The following TAB2 variants were observed in gnomAD, a reference collection of about 807,000 sequenced individuals.
The protein encoded by TAB2 is TGF-beta-activated kinase 1 and MAP3K7-binding protein 2.
TAB2 carries 3 observed loss-of-function variants against 65.0 expected under a neutral mutation model. The observed-to-expected ratio is 0.05, with a 90% CI of 0.02 to 0.12. TAB2 has a LOEUF of 0.12. TAB2 is among the 10% of genes least tolerant of loss of function. The pLI is 1.00. For missense variants in TAB2, 623 were observed against 840.3 expected (o/e 0.74, Z 3.20); for synonymous variants, 298 against 285.1 (o/e 1.05, Z -0.46).
chr6:149,390,364 T>C (rs950325918), intron 3 of TAB2, among the ~76,000 whole-genome samples: 1 of 152,198 alleles, frequency 6.6e-6, no homozygotes, highest in African/African-American at 2.4e-5. Flanking sequence ...TCCTTTTTCA[T>C]TTAAAGAAGC....
At chr6:149,251,619 A>G (rs751571886) in intron 1 of TAB2, among the ~76,000 whole-genome samples, 9 of 152,154 alleles carry the variant, frequency 5.9e-5, no homozygotes, top group Non-Finnish European at 1.3e-4. Flanking sequence ...CTTTCTGCCA[A>G]CAGCTTCAGT....
intron 1 of TAB2, among the ~76,000 whole-genome samples, chr6:149,236,428 A>T (rs1777496214): frequency 6.6e-6 from 1 of 152,110 alleles, no homozygotes; most frequent in East Asian, 1.9e-4. Flanking sequence ...TTCTGCCTCG[A>T]TTTCTTTCCT....
chr6:149,379,707 A>G (rs1049525270), intron 3 of TAB2, among the ~76,000 whole-genome samples, 189 bp downstream of exon 3: 2 of 152,138 alleles, frequency 1.3e-5, no homozygotes, highest in Non-Finnish European at 2.9e-5. Flanking sequence ...TTATTATTAT[A>G]AAACTGGAAG....
intron 3 of TAB2, among the ~76,000 whole-genome samples, chr6:149,395,868 A>G (rs1430570588): frequency 6.6e-6 from 1 of 152,120 alleles, no homozygotes; most frequent in Non-Finnish European, 1.5e-5. Context: ...TGTATAATTT[A>G]ATTAGGTGAA....
chr6:149,374,702 G>C (rs1781343371), intron 2 of TAB2, among the ~76,000 whole-genome samples: 1 of 152,164 alleles, frequency 6.6e-6, no homozygotes, highest in Non-Finnish European at 1.5e-5. Context: ...GTGTCTCCTT[G>C]TATGATTTGA....
chr6:149,256,835 A>C (rs1778047112), intron 1 of TAB2, among the ~76,000 whole-genome samples: 1 of 152,204 alleles, frequency 6.6e-6, no homozygotes. Context: ...CCTACATGCT[A>C]CTGAAGGATT....
At chr6:149,385,129 T>C (rs977562876) in intron 3 of TAB2, among the ~76,000 whole-genome samples, 5 of 152,230 alleles carry the variant, frequency 3.3e-5, no homozygotes, top group Admixed American at 3.3e-4. Flanking sequence ...TCTTGGACTT[T>C]GTGTTTCTCA....
chr6:149,262,298 C>T (rs1455444001), intron 1 of TAB2, among the ~76,000 whole-genome samples: 1 of 152,134 alleles, frequency 6.6e-6, no homozygotes, highest in African/African-American at 2.4e-5. Context: ...TTTGGGAGGC[C>T]CTGGCGGGAG....
At chr6:149,361,088 C>A (rs1362111439) in intron 1 of TAB2, among the ~76,000 whole-genome samples, 1 of 152,164 alleles carries the variant, frequency 6.6e-6, no homozygotes, top group Non-Finnish European at 1.5e-5. Context: ...TGCTGGTGGA[C>A]CTAACATTCT....
chr6:149,296,435 C>T (rs772716029), intron 1 of TAB2, among the ~76,000 whole-genome samples: 3 of 152,144 alleles, frequency 2.0e-5, no homozygotes, highest in Non-Finnish European at 4.4e-5. Context: ...TTCTTTCTTG[C>T]TTTTCTCTGT....
intron 3 of TAB2, 41 bp downstream of exon 3, chr6:149,379,559 G>A: frequency 6.3e-7 from 1 of 1,594,382 alleles, no homozygotes; most frequent in Non-Finnish European, 8.6e-7. Flanking sequence ...TCCATGCTGG[G>A]CTTGTTGGTG....
chr6:149,331,058 T>G (rs1219066564), intron 1 of TAB2, among the ~76,000 whole-genome samples: 1 of 152,126 alleles, frequency 6.6e-6, no homozygotes, highest in Non-Finnish European at 1.5e-5. Flanking sequence ...ATAGTGAAAT[T>G]CCTCCAACTT....
chr6:149,380,094 T>C (rs1298430631), intron 3 of TAB2: 2 of 355,582 alleles, frequency 5.6e-6, no homozygotes, highest in East Asian at 1.7e-4. Context: ...TTTGAAATTA[T>C]GCAGGCATGG....
intron 3 of TAB2, among the ~76,000 whole-genome samples, chr6:149,394,480 G>C (rs1247749539): frequency 1.3e-5 from 2 of 151,970 alleles, no homozygotes; most frequent in African/African-American, 4.8e-5. Context: ...TCTCCTGCTT[G>C]TATGTCTCAT....
At chr6:149,240,181 C>T (rs1451809597) in intron 1 of TAB2, among the ~76,000 whole-genome samples, 1 of 152,226 alleles carries the variant, frequency 6.6e-6, no homozygotes, top group African/African-American at 2.4e-5. Context: ...GGACTGGGCC[C>T]TCGGCTCAGG....
chr6:149,403,375 T>C (rs1212561465), intron 6 of TAB2, among the ~76,000 whole-genome samples: 32 of 85,184 alleles, frequency 3.8e-4, no homozygotes, highest in Non-Finnish European at 5.7e-4. Context: ...CACACACACA[T>C]ACACATACAC....
At chr6:149,366,250 C>T (rs1741980441) in intron 1 of TAB2, among the ~76,000 whole-genome samples, 1 of 152,116 alleles carries the variant, frequency 6.6e-6, no homozygotes, top group Admixed American at 6.6e-5. Flanking sequence ...CTGTTTCAAG[C>T]CAGATAACTT....
intron 1 of TAB2, among the ~76,000 whole-genome samples, chr6:149,335,301 ATATG>A (rs879882212): frequency 4.2e-4 from 63 of 151,186 alleles, no homozygotes; most frequent in African/African-American, 1.5e-3. Context: ...TTATATATAG[ATATG>A]TATGTATGTA....
chr6:149,400,272 C>G, intron 6 of TAB2: 2 of 1,111,278 alleles, frequency 1.8e-6, no homozygotes, highest in Non-Finnish European at 2.5e-6. Context: ...TGTGCACGCA[C>G]CCTCTCCCTC....
Sources: allele counts gnomAD v4.1 joint callset (sites outside exome capture counted in the v4.1 genomes callset), GRCh38; gene constraint gnomAD v4.1.1; transcripts MANE v1.5; gene names NCBI Gene and HGNC (gene_info 2026-07-23, HGNC 2026-07-21).